The following FRMD4B variants were observed in gnomAD, a reference collection of about 807,000 sequenced individuals.
FRMD4B encodes the protein FERM domain-containing protein 4B.
FRMD4B carries 74 observed loss-of-function variants against 141.5 expected under a neutral mutation model. The observed-to-expected ratio is 0.52, with a 90% CI of 0.43 to 0.63. The LOEUF is 0.63. Ranked by LOEUF, FRMD4B falls within the 30% of genes least tolerant of loss-of-function variation. FRMD4B has a pLI of 0.00. For missense variants in FRMD4B, 1,366 were observed against 1,253.4 expected, an observed-to-expected ratio of 1.09 and a Z score of -1.36; for synonymous variants, 506 against 467.9, an observed-to-expected ratio of 1.08 and a Z score of -1.05.
chr3:69,181,148 T>A lies in FRMD4B; in HGVS notation c.2602A>T (p.Asn868Tyr). ...HEDEVDRVPHNPYATLRLPRK... is the reference protein window; with the variant it reads ...HEDEVDRVPHYPYATLRLPRK... ...GGCAGCCGGAGAGTTGCATATGGGT[T>A]ATGGGGTACCCGGTCGACCTCATCT... The change falls in exon 21 of 23, where the codon AAC becomes TAC. Residue 868 changes from asparagine (N) to tyrosine (Y), a missense_variant. By Grantham distance (143) the Asn-to-Tyr change is moderately radical (BLOSUM62 -2). Coordinates refer to ENST00000398540, the MANE Select transcript of FRMD4B (RefSeq NM_015123.3). 2.5e-6 allele frequency: 4 copies of A among 1,613,952 alleles called. No individual in the cohort carries two copies. The highest frequency in any genetic ancestry group is 3.4e-6 in the Non-Finnish European group (4 of 1,179,856).
chr3:69,362,700 AC>A lies in FRMD4B; in HGVS notation c.162+23127del, dbSNP rs71115686. ...TCAAAACAACAACAACAAAAAGCCA[AC>A]CCCCCCCCCAAAAAAACAAACAAAA... On this transcript the variant is annotated intron_variant, in intron 1 of 22. Coordinates refer to ENST00000398540, the MANE Select transcript of FRMD4B (RefSeq NM_015123.3). Among the ~76,000 whole-genome samples the A allele has an allele frequency of 2.8e-3, 396 of 142,786 alleles. 6 individuals carry two copies. Among genetic ancestry groups the A allele is most frequent in the South Asian group, 0.015 (62 of 4,244 alleles). The allele number at this position is 142,786 out of a possible 152,430, so 93.7% of individuals were successfully genotyped here. A position where few individuals can be genotyped will look rare whatever the true frequency, so the allele number is the denominator to read the frequency against.
At chr3:69,353,762 A>G in intron 1 of FRMD4B, 7 of 954,308 alleles carry the variant, frequency 7.3e-6, no homozygotes, top group Non-Finnish European at 8.7e-6. Flanking sequence ...AAATGACCAT[A>G]CTGTTTGTTT....
At chr3:69,487,630 A>G (rs529305336) in intron 1 of FRMD4B, among the ~76,000 whole-genome samples, 1 of 152,336 alleles carries the variant, frequency 6.6e-6, no homozygotes, top group African/African-American at 2.4e-5. Context: ...AGAAGATGTC[A>G]AAGATCACTC....
At chr3:69,443,540 G>T (rs1330258902) in intron 1 of FRMD4B, among the ~76,000 whole-genome samples, 4 of 152,178 alleles carry the variant, frequency 2.6e-5, no homozygotes, top group Non-Finnish European at 5.9e-5. Context: ...AGTGCAGAGG[G>T]CCCAGGACTT....
chr3:69,181,951 T>C (rs1220244800), intron 20 of FRMD4B, among the ~76,000 whole-genome samples: 1 of 152,036 alleles, frequency 6.6e-6, no homozygotes, highest in African/African-American at 2.4e-5. Flanking sequence ...GCAAGCCAAA[T>C]CCTTCCTTGA....
chr3:69,243,816 C>G (rs1214883502), intron 7 of FRMD4B, among the ~76,000 whole-genome samples: 1 of 152,114 alleles, frequency 6.6e-6, no homozygotes, highest in Non-Finnish European at 1.5e-5. Flanking sequence ...GAGGCCTAGA[C>G]GGGCAGATCA....
chr3:69,525,555 C>G (rs1201610756), intron 1 of FRMD4B, among the ~76,000 whole-genome samples: 1 of 152,192 alleles, frequency 6.6e-6, no homozygotes, highest in Non-Finnish European at 1.5e-5. Context: ...CCAGGCTAAG[C>G]CCTCAAAAGT....
chr3:69,455,893 C>T (rs936736887), intron 1 of FRMD4B, among the ~76,000 whole-genome samples: 5 of 152,194 alleles, frequency 3.3e-5, no homozygotes, highest in African/African-American at 1.2e-4. Context: ...GGTTCAGGAT[C>T]CTGTTCCACC....
At chr3:69,353,434 G>A (rs1457448366) in intron 1 of FRMD4B, 3 of 251,170 alleles carry the variant, frequency 1.2e-5, no homozygotes, top group Non-Finnish European at 1.9e-5. Flanking sequence ...TCCACCCCCA[G>A]TACAATATTA....
At chr3:69,340,462 A>G (rs1647051654) in intron 1 of FRMD4B, among the ~76,000 whole-genome samples, 1 of 152,186 alleles carries the variant, frequency 6.6e-6, no homozygotes, top group African/African-American at 2.4e-5. Context: ...CACCAGCTCC[A>G]TTGATGTTTT....
rs1288736463 is a variant in FRMD4B, at chr3:69,216,296, T to C, written c.843A>G (p.Gln281=). 11 of 1,578,048 alleles carry C rather than the reference T, an allele frequency of 7.0e-6. No homozygotes were observed. The highest frequency in any genetic ancestry group is 5.3e-5 in the Admixed American group (3 of 56,580). Residue 281 remains glutamine, a synonymous_variant, in exon 11 of 23, where the codon CAA becomes CAG. Coordinates refer to ENST00000398540, the MANE Select transcript of FRMD4B (RefSeq NM_015123.3). The part of the protein sequence containing the change: ...WLGISYKGIG[Q]YDIQDKVKPR... ...GCTTCACCTTGTCTTGTATATCATA[T>C]TGGCCAATTCCCTTATAGCTTATTC...
intron 1 of FRMD4B, among the ~76,000 whole-genome samples, chr3:69,440,631 C>T (rs1192311377): frequency 6.6e-6 from 1 of 152,194 alleles, no homozygotes. Context: ...GTGGGGAAAA[C>T]CCATCTCTAC....
intron 5 of FRMD4B, among the ~76,000 whole-genome samples, chr3:69,264,527 T>C (rs2093548494): frequency 6.6e-6 from 1 of 152,186 alleles, no homozygotes; most frequent in Non-Finnish European, 1.5e-5. Context: ...GTTTTTGAAC[T>C]GTGAGGACAT....
intron 1 of FRMD4B, among the ~76,000 whole-genome samples, chr3:69,433,915 T>A (rs1356113653): frequency 1.3e-5 from 2 of 152,118 alleles, no homozygotes; most frequent in African/African-American, 4.8e-5. Context: ...TGTGTTTTAG[T>A]CTAAGCCCCC....
At chr3:69,392,049 A>C (rs1490901326) in intron 2 of FRMD4B, among the ~76,000 whole-genome samples, 1 of 152,258 alleles carries the variant, frequency 6.6e-6, no homozygotes, top group East Asian at 1.9e-4. Flanking sequence ...TGAACTGACC[A>C]ATAAATGACT....
At chr3:69,411,334 T>C (rs1704756560) in intron 2 of FRMD4B, among the ~76,000 whole-genome samples, 1 of 152,172 alleles carries the variant, frequency 6.6e-6, no homozygotes, top group Admixed American at 6.6e-5. Flanking sequence ...CCTGAGAGTA[T>C]TTACAAATAT....
At chr3:69,474,781 T>C (rs1050607069) in intron 1 of FRMD4B, among the ~76,000 whole-genome samples, 2 of 152,162 alleles carry the variant, frequency 1.3e-5, no homozygotes, top group African/African-American at 2.4e-5. Context: ...GTGAACAAGA[T>C]AGACAGGGTT....
chr3:69,375,604 T>C (rs1425350372), intron 1 of FRMD4B, among the ~76,000 whole-genome samples: 1 of 152,100 alleles, frequency 6.6e-6, no homozygotes, highest in African/African-American at 2.4e-5. Context: ...CCATCCAATA[T>C]TTTTTGAGTG....
chr3:69,385,872 G>A lies in FRMD4B; in HGVS notation c.118C>T (p.His40Tyr). ...CCGCACCACGTCCGCAGCACCTGGT[G>A]GCAAGCCCGCAGCCTCTCCGTGTAC... ...RWYTERLRAC[H>Y]QVLRTWCGLQ... Residue 40 changes from histidine to tyrosine, a missense_variant, in exon 1 of 23, where the codon CAC (histidine) becomes TAC (tyrosine). Transcript: ENST00000398540. The A allele has an allele frequency of 1.3e-6, 2 of 1,599,384 alleles. No individual in the cohort carries two copies. The highest frequency in any genetic ancestry group is 1.7e-6 in the Non-Finnish European group (2 of 1,173,706).
Sources: gnomAD v4.1 joint callset for allele counts (sites outside exome capture counted in the v4.1 genomes callset) on GRCh38, gnomAD v4.1.1 for gene constraint, MANE v1.5 for transcripts, NCBI Gene and HGNC (gene_info 2026-07-23, HGNC 2026-07-21) for gene names.